Variants in CADM2 observed in about 807,000 individuals in gnomAD.
CADM2 encodes immunoglobulin superfamily member 4D.
A neutral mutation model predicts 49.8 loss-of-function variants in CADM2; 12 were observed. The ratio of observed to expected loss-of-function variants is 0.24; its 90% CI spans 0.15 to 0.39. The LOEUF (loss-of-function observed/expected upper bound fraction) is 0.39. Ranked by LOEUF, CADM2 falls within the 10% of genes least tolerant of loss-of-function variation. CADM2 has a pLI of 1.00. For missense variants in CADM2, 378 were observed against 492.3 expected (o/e 0.77, Z 2.20); for synonymous variants, 214 against 175.4 (o/e 1.22, Z -1.74).
chr3:85,503,552 T>G (rs1345539188), intron 1 of CADM2, among the ~76,000 whole-genome samples: 1 of 152,210 alleles, frequency 6.6e-6, no homozygotes, highest in Non-Finnish European at 1.5e-5. Flanking sequence ...TGAAGAATTG[T>G]GTTTCCTGAG....
At chr3:85,163,174 T>G (rs940847537) in intron 1 of CADM2, among the ~76,000 whole-genome samples, 1 of 152,082 alleles carries the variant, frequency 6.6e-6, no homozygotes. Flanking sequence ...ACAAAAACAA[T>G]AATACATGTT....
intron 1 of CADM2, among the ~76,000 whole-genome samples, chr3:85,199,323 G>A (rs1305446155): frequency 1.4e-5 from 2 of 141,168 alleles, no homozygotes; most frequent in Admixed American, 7.3e-5. Context: ...GTCTTCTGAT[G>A]TAACTCTCTT....
At chr3:85,407,488 T>C (rs990872801) in intron 1 of CADM2, among the ~76,000 whole-genome samples, 2 of 152,184 alleles carry the variant, frequency 1.3e-5, no homozygotes, top group African/African-American at 4.8e-5. Flanking sequence ...CACTCACCTT[T>C]TACTATTAAA....
chr3:85,621,181 A>G (rs1186620645), intron 1 of CADM2, among the ~76,000 whole-genome samples: 1 of 152,262 alleles, frequency 6.6e-6, no homozygotes, highest in Middle Eastern at 3.4e-3. Flanking sequence ...AACTGAATAT[A>G]TAACTAGTAT....
intron 1 of CADM2, among the ~76,000 whole-genome samples, chr3:85,480,658 G>T (rs946878103): frequency 6.6e-6 from 1 of 151,814 alleles, no homozygotes; most frequent in South Asian, 2.1e-4. Flanking sequence ...GCTATCCATA[G>T]CATATATCAT....
intron 4 of CADM2, among the ~76,000 whole-genome samples, chr3:85,885,400 C>T (rs1039614443): frequency 2.0e-5 from 3 of 151,406 alleles, no homozygotes; most frequent in Admixed American, 1.3e-4. Context: ...AGGCCAGGCA[C>T]GGTGGCTCAT....
At chr3:85,472,175 A>C (rs1242804000) in intron 1 of CADM2, among the ~76,000 whole-genome samples, 1 of 151,910 alleles carries the variant, frequency 6.6e-6, no homozygotes, top group African/African-American at 2.4e-5. Context: ...TACTTCTCAA[A>C]AATTCTTTTT....
chr3:85,036,153 G>T (rs996233376), intron 1 of CADM2, among the ~76,000 whole-genome samples: 4 of 152,068 alleles, frequency 2.6e-5, no homozygotes, highest in Admixed American at 6.5e-5. Flanking sequence ...GTTTTTGTTT[G>T]CTTGTCTGTT....
At chr3:85,113,933 A>C (rs2038550828) in intron 1 of CADM2, among the ~76,000 whole-genome samples, 2 of 152,090 alleles carry the variant, frequency 1.3e-5, no homozygotes, top group Admixed American at 1.3e-4. Flanking sequence ...AATAAAATTT[A>C]ATCTCCCACA....
chr3:85,323,129 A>G (rs2044660396), intron 1 of CADM2, among the ~76,000 whole-genome samples: 1 of 152,072 alleles, frequency 6.6e-6, no homozygotes, highest in Non-Finnish European at 1.5e-5. Context: ...TCTTCTTGGA[A>G]AATTATTTAT....
At position 85,773,101 on chromosome 3, in the gene CADM2, C is replaced by T. The variant is rs148227512; in HGVS notation, c.89-28946C>T. ...TGATCCCAAGAGTGGGCCTCTTCCCCAAAGAAATTCAGGAAAACAGGCTGA... is the reference window on the plus strand; with the variant it reads ...TGATCCCAAGAGTGGGCCTCTTCCCTAAAGAAATTCAGGAAAACAGGCTGA... On this transcript the variant is annotated intron_variant, in intron 2 of 9. Transcript: ENST00000383699. Among the ~76,000 whole-genome samples, 477 of 151,920 alleles carry T rather than the reference C, an allele frequency of 3.1e-3. 1 individual carries two copies. The highest frequency in any genetic ancestry group is 0.011 in the African/African-American group (458 of 41,450).
intron 1 of CADM2, among the ~76,000 whole-genome samples, chr3:84,996,864 A>G (rs1209467566): frequency 2.6e-5 from 4 of 152,102 alleles, no homozygotes; most frequent in African/African-American, 9.6e-5. Context: ...CTTACAAATA[A>G]GTTGAATTAA....
chr3:85,127,105 C>T (rs529234106), intron 1 of CADM2, among the ~76,000 whole-genome samples: 2 of 152,024 alleles, frequency 1.3e-5, no homozygotes, highest in East Asian at 3.9e-4. Flanking sequence ...TAACATTTTA[C>T]CATTTAAAAC....
At chr3:85,514,503 T>G (rs2060847721) in intron 1 of CADM2, among the ~76,000 whole-genome samples, 1 of 152,054 alleles carries the variant, frequency 6.6e-6, no homozygotes, top group South Asian at 2.1e-4. Flanking sequence ...AGGAAGGACA[T>G]TCAATATATA....
At chr3:85,001,872 G>A (rs898032015) in intron 1 of CADM2, among the ~76,000 whole-genome samples, 11 of 152,130 alleles carry the variant, frequency 7.2e-5, no homozygotes, top group African/African-American at 2.6e-4. Flanking sequence ...CTTCAGCGAA[G>A]ACACTCAGAT....
intron 1 of CADM2, among the ~76,000 whole-genome samples, chr3:85,038,903 T>C (rs1184409811): frequency 6.6e-6 from 1 of 152,198 alleles, no homozygotes; most frequent in Admixed American, 6.5e-5. Context: ...AACTTTTTCA[T>C]CCCCTTGTCA....
intron 1 of CADM2, among the ~76,000 whole-genome samples, chr3:85,389,711 T>C (rs1229907502): frequency 6.6e-6 from 1 of 152,112 alleles, no homozygotes; most frequent in Non-Finnish European, 1.5e-5. Flanking sequence ...TTCTTATTTA[T>C]GATTTTTTTG....
chr3:85,842,314 A>T (rs1333598491), intron 3 of CADM2, among the ~76,000 whole-genome samples: 1 of 152,102 alleles, frequency 6.6e-6, no homozygotes, highest in African/African-American at 2.4e-5. Flanking sequence ...TCTGGAGATG[A>T]GGAACAACAG....
At chr3:85,769,613 TACATATATA>T (rs1190848660) in intron 2 of CADM2, among the ~76,000 whole-genome samples, 15 of 100,234 alleles carry the variant, frequency 1.5e-4, no homozygotes, top group Admixed American at 1.3e-3. Flanking sequence ...TATACATATA[TACATATATA>T]GTATATATAT....
Sources: allele counts gnomAD v4.1 joint callset (sites outside exome capture counted in the v4.1 genomes callset), GRCh38; gene constraint gnomAD v4.1.1; transcripts MANE v1.5; gene names NCBI Gene and HGNC (gene_info 2026-07-23, HGNC 2026-07-21).